Variants in ATP7A observed in about 807,000 individuals in gnomAD.
The protein encoded by ATP7A is ATPase copper transporting alpha.
A neutral mutation model predicts 83.5 loss-of-function variants in ATP7A; 7 were observed. The ratio of observed to expected loss-of-function variants is 0.08; its 90% CI spans 0.05 to 0.16. ATP7A has a LOEUF of 0.16. Among genes scored for constraint, ATP7A ranks in the 10% least tolerant of loss-of-function variants. The pLI, the probability that ATP7A is intolerant of heterozygous loss-of-function variation, is 1.00. For missense variants in ATP7A, 940 were observed against 1,120.8 expected (o/e 0.84, Z 2.30); for synonymous variants, 354 against 395.2 (o/e 0.90, Z 1.24).
chrX:78,008,877 A>G (rs1196370722), intron 6 of ATP7A, among the ~76,000 whole-genome samples: 1 of 109,514 alleles, frequency 9.1e-6, no homozygotes, highest in African/African-American at 3.3e-5. Flanking sequence ...TTAGCCAGGC[A>G]TGGTAGAACA....
intron 17 of ATP7A, 39 bp from the exon 18 acceptor site, chrX:78,038,797 A>G: frequency 2.5e-6 from 3 of 1,201,729 alleles, no homozygotes; most frequent in South Asian, 3.5e-5. Context: ...ATAAAGATTA[A>G]TTGAACTTAC....
chrX:78,027,503 A>G (rs928005261), intron 14 of ATP7A, among the ~76,000 whole-genome samples: 35 of 111,932 alleles, frequency 3.1e-4, no homozygotes, highest in African/African-American at 1.1e-3. Flanking sequence ...GGAAGCATTA[A>G]TATTAAAACT....
chrX:78,044,249 C>T (rs1168443787), intron 21 of ATP7A, among the ~76,000 whole-genome samples: 20 of 46,991 alleles, frequency 4.3e-4, no homozygotes, highest in African/African-American at 6.2e-4. Flanking sequence ...AGCGAAACTC[C>T]GTCTCCAAAA....
intron 18 of ATP7A, among the ~76,000 whole-genome samples, chrX:78,040,203 C>A (rs1347379834): frequency 1.6e-4 from 16 of 99,191 alleles, no homozygotes; most frequent in African/African-American, 5.0e-4. Flanking sequence ...CTCTCTGCCC[C>A]CCCCCCCTTA....
intron 1 of ATP7A, among the ~76,000 whole-genome samples, chrX:77,914,625 C>G (rs1480127880): frequency 3.6e-5 from 4 of 110,472 alleles, no homozygotes; most frequent in Non-Finnish European, 7.6e-5. Flanking sequence ...GTATCGAACT[C>G]CTGACTGACC....
intron 2 of ATP7A, among the ~76,000 whole-genome samples, chrX:77,976,817 T>C (rs1372037327): frequency 8.9e-6 from 1 of 112,318 alleles, no homozygotes; most frequent in African/African-American, 3.2e-5. Context: ...TTCTGTACTG[T>C]TGACATCCAT....
chrX:77,992,088 G>A (rs1241071064), intron 4 of ATP7A, among the ~76,000 whole-genome samples: 3 of 104,801 alleles, frequency 2.9e-5, no homozygotes, highest in Non-Finnish European at 3.9e-5. Context: ...TTTTTGAGAC[G>A]GAATCTTGTT....
At chrX:77,996,881 C>T (rs891484929) in intron 4 of ATP7A, among the ~76,000 whole-genome samples, 1 of 110,942 alleles carries the variant, frequency 9.0e-6, no homozygotes, top group African/African-American at 3.3e-5. Context: ...TTATTCAAAA[C>T]CAAAGTGATT....
At chrX:77,994,672 T>C (rs1472086752) in intron 4 of ATP7A, among the ~76,000 whole-genome samples, 2 of 110,983 alleles carry the variant, frequency 1.8e-5, no homozygotes, top group African/African-American at 6.6e-5. Context: ...CCTGAGTGGC[T>C]GGGACTATAG....
intron 15 of ATP7A, among the ~76,000 whole-genome samples, chrX:78,030,728 A>G (rs1438965137): frequency 2.9e-4 from 25 of 85,936 alleles, no homozygotes; most frequent in Admixed American, 1.9e-3. Flanking sequence ...GTCTCGCTCT[A>G]TGGCCCAGGC....
chrX:77,966,911 C>T, intron 1 of ATP7A: 1 of 305,351 alleles, frequency 3.3e-6, no homozygotes, highest in Non-Finnish European at 6.5e-6. Flanking sequence ...TCACCCCTCA[C>T]CCCCCAGCAG....
Position 78,046,861 on chromosome X carries a change from G to A in ATP7A, c.*291G>A. On this transcript the variant is annotated 3_prime_UTR_variant, in exon 23 of 23. Transcript: ENST00000341514. ...TACAATTAGAGATTGCTGAACTGCT[G>A]CTAAAGTGATTTTTTTTTTATTTGA... 1 of 207,382 alleles carries A rather than the reference G, an allele frequency of 4.8e-6. No individual in the cohort carries two copies. Among genetic ancestry groups the A allele is most frequent in the Non-Finnish European group, 8.4e-6 (1 of 118,523 alleles). 17.1% of individuals were successfully genotyped at this position (207,382 alleles called of 1,213,427 possible).
At chrX:77,948,100 T>TATTC (rs56093900) in intron 1 of ATP7A, among the ~76,000 whole-genome samples, 1,918 of 89,730 alleles carry the variant, frequency 0.021, 46 homozygotes, top group African/African-American at 0.075. Flanking sequence ...TTTATTTATT[T>TATTC]ATTCATTCAT....
At chrX:78,030,694 CTT>C (rs781934660) in intron 15 of ATP7A, among the ~76,000 whole-genome samples, 6 of 95,725 alleles carry the variant, frequency 6.3e-5, no homozygotes, top group Admixed American at 1.1e-4. Context: ...TTCTTTCTTT[CTT>C]TTTTTTTTTT....
intron 14 of ATP7A, among the ~76,000 whole-genome samples, chrX:78,022,448 A>T (rs1735073936): frequency 1.8e-5 from 2 of 110,117 alleles, no homozygotes; most frequent in African/African-American, 6.6e-5. Context: ...ACTTTGTTGT[A>T]TTTATTTATT....
chrX:77,931,508 C>T (rs1210100309), intron 1 of ATP7A, among the ~76,000 whole-genome samples: 1 of 112,137 alleles, frequency 8.9e-6, no homozygotes, highest in East Asian at 2.8e-4. Context: ...CATCCCGGCC[C>T]GTTCTCAATG....
At chrX:77,934,876 C>T (rs1269985176) in intron 1 of ATP7A, among the ~76,000 whole-genome samples, 1 of 106,454 alleles carries the variant, frequency 9.4e-6, no homozygotes, top group Non-Finnish European at 1.9e-5. Flanking sequence ...TTTTAAACAG[C>T]CTTACTCTGT....
Position 77,932,323 on chromosome X carries a change from C to T in ATP7A, c.-22+21488C>T, listed in dbSNP as rs1384173538. Among the ~76,000 whole-genome samples the T allele has an allele frequency of 1.7e-4, 18 of 104,623 alleles. 1 individual carries two copies. The Admixed American group carries it at 1.8e-3, about 11-fold the overall frequency. The allele number at this position is 104,623 out of a possible 115,157, so 90.9% of individuals were successfully genotyped here. A position where few individuals can be genotyped will look rare whatever the true frequency, so the allele number is the denominator to read the frequency against. On this transcript the variant is annotated intron_variant, in intron 1 of 22. Transcript: ENST00000341514. Reference sequence around the variant, plus strand: ...CAGACGATGGGCGGCCGGGCAGAGACGCTCCTCACTTCCTAGATGGGATGG... The same window carrying T: ...CAGACGATGGGCGGCCGGGCAGAGATGCTCCTCACTTCCTAGATGGGATGG...
chrX:77,941,402 A>AT lies in ATP7A; in HGVS notation c.-21-30210dup, dbSNP rs1449895926. Reference sequence around the variant, plus strand: ...TTGTGGAGGTCTATATGTCCTTAAAATTTTTTTTTCTTTTTAATAATTAGA... The same window carrying AT: ...TTGTGGAGGTCTATATGTCCTTAAAATTTTTTTTTTCTTTTTAATAATTAGA... On this transcript the variant is annotated intron_variant, in intron 1 of 22. Coordinates refer to ENST00000341514, the MANE Select transcript of ATP7A (RefSeq NM_000052.7). Among the ~76,000 whole-genome samples, 10 of 110,236 alleles carry AT rather than the reference A, an allele frequency of 9.1e-5. No homozygotes were observed. The East Asian group carries it at 2.6e-3, about 28-fold the overall frequency.
Sources: allele counts gnomAD v4.1 joint callset (sites outside exome capture counted in the v4.1 genomes callset), GRCh38; gene constraint gnomAD v4.1.1; transcripts MANE v1.5; gene names NCBI Gene and HGNC (gene_info 2026-07-23, HGNC 2026-07-21).